Variants in NUP107 observed in about 807,000 individuals in gnomAD.
NUP107 encodes nucleoporin 107, also known as nuclear pore complex protein Nup107.
A neutral mutation model predicts 141.0 loss-of-function variants in NUP107; 101 were observed. The observed-to-expected ratio is 0.72, with a 90% CI of 0.61 to 0.84. The LOEUF is 0.84. Ranked by LOEUF, NUP107 falls within the 40% of genes least tolerant of loss-of-function variation. NUP107 has a pLI of 0.00. For missense variants in NUP107, 941 were observed against 1,102.7 expected, an observed-to-expected ratio of 0.85 and a Z score of 2.08; for synonymous variants, 319 against 363.9, an observed-to-expected ratio of 0.88 and a Z score of 1.41.
At chr12:68,727,709 A>G (rs1394441324) in intron 20 of NUP107, among the ~76,000 whole-genome samples, 5 of 152,220 alleles carry the variant, frequency 3.3e-5, no homozygotes. Context: ...ATATGCAGTC[A>G]TCCCTCAGTA....
chr12:68,710,429 G>T (rs932482549), intron 10 of NUP107, among the ~76,000 whole-genome samples: 2 of 152,080 alleles, frequency 1.3e-5, no homozygotes, highest in African/African-American at 4.8e-5. Flanking sequence ...AGGCCAAGGT[G>T]GGGGATCACG....
At chr12:68,692,446 G>T (rs1332262911) in intron 5 of NUP107, among the ~76,000 whole-genome samples, 1 of 152,026 alleles carries the variant, frequency 6.6e-6, no homozygotes, top group African/African-American at 2.4e-5. Flanking sequence ...GGGTATGGTG[G>T]TGCACACCTG....
intron 8 of NUP107, among the ~76,000 whole-genome samples, chr12:68,703,552 G>A (rs1876438786): frequency 6.6e-6 from 1 of 151,990 alleles, no homozygotes; most frequent in Admixed American, 6.6e-5. Flanking sequence ...CTGGGTTCAA[G>A]TGATACTTCT....
chr12:68,733,613 G>GT lies in NUP107; in HGVS notation c.2262+2dup. On this transcript the variant is annotated splice_donor_variant, in intron 24 of 27. Transcript: ENST00000229179. LOFTEE classifies it high-confidence loss of function. ...ACATTTGTGCATCAGAGCTTATTTG[G>GT]TGAGACTGTAAAGAAAGCCACAGAT... 1 of 1,604,890 alleles carries GT rather than the reference G, an allele frequency of 6.2e-7. No individual in the cohort carries two copies. The highest frequency in any genetic ancestry group is 8.5e-7 in the Non-Finnish European group (1 of 1,176,346).
rs1176575412 is a variant in NUP107, at chr12:68,706,342, G to T, written c.730-2896G>T. The T allele has an allele frequency of 2.3e-5, 32 of 1,368,112 alleles. No individual in the cohort carries two copies. The East Asian group carries it at 6.6e-4, about 28-fold the overall frequency. 84.7% of individuals were successfully genotyped at this position (1,368,112 alleles called of 1,614,324 possible). On this transcript the variant is annotated intron_variant, in intron 8 of 27. Coordinates refer to ENST00000229179, the MANE Select transcript of NUP107 (RefSeq NM_020401.4). Reference sequence around the variant, plus strand: ...ATGAAGAGGAGATCCGGGAGCTGCAGTCCCAGATCTCGGACACATCTGTGG... The same window carrying T: ...ATGAAGAGGAGATCCGGGAGCTGCATTCCCAGATCTCGGACACATCTGTGG...
intron 24 of NUP107, among the ~76,000 whole-genome samples, 188 bp from the exon 25 acceptor site, chr12:68,734,520 G>GT (rs1877980896): frequency 6.6e-6 from 1 of 152,030 alleles, no homozygotes; most frequent in Non-Finnish European, 1.5e-5. Context: ...TATATACCTT[G>GT]TTTGTCACTT....
chr12:68,741,742 T>C, intron 26 of NUP107, 71 bp from the exon 27 acceptor site: 2 of 1,431,950 alleles, frequency 1.4e-6, no homozygotes, highest in Non-Finnish European at 1.9e-6. Context: ...TTTGATTCAG[T>C]ACCTGGCTTT....
At chr12:68,703,345 A>G (rs1436031362) in intron 8 of NUP107, among the ~76,000 whole-genome samples, 1 of 152,216 alleles carries the variant, frequency 6.6e-6, no homozygotes, top group Non-Finnish European at 1.5e-5. Context: ...ATGCATCTTT[A>G]TAGATACATA....
chr12:68,741,422 T>G (rs1264759735), intron 26 of NUP107, among the ~76,000 whole-genome samples: 1 of 152,180 alleles, frequency 6.6e-6, no homozygotes, highest in Non-Finnish European at 1.5e-5. Flanking sequence ...CCTCCCCACA[T>G]CGTCTTTTTC....
rs550003704 is a variant in NUP107 at position 68,744,868 on chromosome 12, T to C, written c.*2406T>C. On this transcript the variant is annotated 3_prime_UTR_variant, in exon 28 of 28. Transcript: ENST00000229179. ...CAGGCAACTTAATTTAGTTCCTCAG[T>C]GCCTACTCTTGAAGAACTGGGTTTT... 14 of 152,354 alleles carry C rather than the reference T, an allele frequency of 9.2e-5. No individual in the cohort carries two copies. The highest frequency in any genetic ancestry group is 3.1e-4 in the African/African-American group (13 of 41,584). 9.4% of individuals were successfully genotyped at this position (152,354 alleles called of 1,614,324 possible).
chr12:68,691,437 T>G (rs1194122447), intron 4 of NUP107, among the ~76,000 whole-genome samples: 1 of 152,116 alleles, frequency 6.6e-6, no homozygotes, highest in African/African-American at 2.4e-5. Context: ...TTGGAAAAAG[T>G]AGGTGAGATA....
rs755248306 is a variant in NUP107, at chr12:68,742,483, T to A, written c.*21T>A. On this transcript the variant is annotated 3_prime_UTR_variant, in exon 28 of 28. Transcript: ENST00000229179. The stretch of plus-strand genomic sequence containing the variant: ...TATAGTTTAATCTTTGTAATCTCAC[T>A]AATTTTCATGATAAATGAAGTTTTT... 4 of 1,262,110 alleles carry A rather than the reference T, an allele frequency of 3.2e-6. No individual in the cohort carries two copies. Among genetic ancestry groups the A allele is most frequent in the South Asian group, 1.4e-5 (1 of 70,244 alleles). 78.2% of individuals were successfully genotyped at this position (1,262,110 alleles called of 1,614,324 possible).
At chr12:68,727,826 A>G (rs979053497) in intron 20 of NUP107, among the ~76,000 whole-genome samples, 17 of 152,158 alleles carry the variant, frequency 1.1e-4, no homozygotes, top group African/African-American at 4.1e-4. Flanking sequence ...TTGGCCTTCC[A>G]TATTTGCAGA....
intron 17 of NUP107, among the ~76,000 whole-genome samples, chr12:68,723,351 G>C (rs1474495338): frequency 6.6e-6 from 1 of 152,036 alleles, no homozygotes; most frequent in African/African-American, 2.4e-5. Flanking sequence ...TCAGTGAGCT[G>C]TCATTGCACT....
intron 14 of NUP107, among the ~76,000 whole-genome samples, chr12:68,720,569 A>G (rs1021223168): frequency 6.6e-6 from 1 of 152,198 alleles, no homozygotes; most frequent in African/African-American, 2.4e-5. Context: ...TTAGAAACAG[A>G]AGGCAGAGGT....
chr12:68,701,661 A>C (rs1422874284), intron 7 of NUP107, among the ~76,000 whole-genome samples: 1 of 152,066 alleles, frequency 6.6e-6, no homozygotes, highest in African/African-American at 2.4e-5. Flanking sequence ...CCTGGGTGAC[A>C]GAGTGAGACT....
At position 68,715,740 on chromosome 12, in the gene NUP107, G is replaced by A. The variant is rs148508477; in HGVS notation, c.1083G>A (p.Glu361=). 2 of 1,565,094 alleles carry A rather than the reference G, an allele frequency of 1.3e-6. No individual in the cohort carries two copies. Among genetic ancestry groups the A allele is most frequent in the Non-Finnish European group, 1.8e-6 (2 of 1,136,338 alleles). ...TAATCCGTGCTGGAATGACAGAAGA[G>A]GTCAGTCATGTATACCCTTCTTGTC... ...FTLIRAGMTE[E]AQRLCKRCGQ... The change falls in exon 12 of 28, where the codon GAG becomes GAA. Residue 361 remains glutamate (E), a splice_region_variant and synonymous_variant. Transcript: ENST00000229179.
intron 17 of NUP107, among the ~76,000 whole-genome samples, chr12:68,724,134 G>T (rs540075417): frequency 1.3e-5 from 2 of 148,552 alleles, no homozygotes; most frequent in South Asian, 2.1e-4. Flanking sequence ...ACAAGACAAC[G>T]TTTTTTTTTT....
chr12:68,731,922 G>A (rs1877849472), intron 22 of NUP107, among the ~76,000 whole-genome samples: 1 of 151,956 alleles, frequency 6.6e-6, no homozygotes, highest in African/African-American at 2.4e-5. Context: ...TTCTTTAATA[G>A]AAAAAAATCT....
Sources: allele counts gnomAD v4.1 joint callset (sites outside exome capture counted in the v4.1 genomes callset), GRCh38; gene constraint gnomAD v4.1.1; transcripts MANE v1.5; gene names NCBI Gene and HGNC (gene_info 2026-07-23, HGNC 2026-07-21).